Variants in NBPF14 observed in about 807,000 individuals in gnomAD.
NBPF14 encodes the protein NBPF member 14.
In NBPF14, 104 loss-of-function variants were observed where a neutral mutation model predicts 91.2. That is an observed-to-expected ratio of 1.14 (90% CI 0.97 to 1.34). NBPF14 has a LOEUF of 1.34. NBPF14 is among the 40% of genes most tolerant of loss of function. The pLI is 0.00. For missense variants in NBPF14, 908 were observed against 783.0 expected (o/e 1.16, Z -1.91); for synonymous variants, 294 against 303.8 (o/e 0.97, Z 0.34).
chr1:148,577,614 G>T (rs2149538618), intron 14 of NBPF14, among the ~76,000 whole-genome samples: 1 of 149,514 alleles, frequency 6.7e-6, no homozygotes, highest in East Asian at 2.0e-4. Flanking sequence ...CAATTGGTCA[G>T]GTGACACACT....
chr1:148,532,333 C>CGACTCCT, exon 71 of NBPF14: 1 of 155,926 alleles, frequency 6.4e-6, no homozygotes, highest in Middle Eastern at 3.4e-3. Flanking sequence ...CTCCTGCCAG[C>CGACTCCT]GACTCCTGAC....
chr1:148,577,833 T>A (rs1349583661), intron 14 of NBPF14, 150 bp downstream of exon 14: 6 of 585,896 alleles, frequency 1.0e-5, no homozygotes, highest in African/African-American at 4.2e-5. Context: ...AAACATTTAC[T>A]CTAATGAGAA....
rs1210425929 is a variant in NBPF14 at position 148,566,267 on chromosome 1, G to C, written c.3591C>G (p.Asp1197Glu). 92 of 653,840 alleles carry C rather than the reference G, an allele frequency of 1.4e-4. 9 individuals are homozygous for C. The Admixed American group carries it at 2.0e-3, about 14-fold the overall frequency. 40.5% of individuals were successfully genotyped at this position (653,840 alleles called of 1,614,324 possible). Residue 1197 changes from aspartate to glutamate, a missense_variant, in exon 29 of 71, where the codon GAC becomes GAG. By Grantham distance (45) the Asp-to-Glu change is conservative. Around this residue, in one of 13 missense-constraint regions of NBPF14, gnomAD observed 447 missense variants for 189.1 expected, o/e 2.36. Coordinates refer to ENST00000619423, the Ensembl canonical transcript of NBPF14. The stretch of plus-strand genomic sequence containing the variant: ...GAGTTGAATAACATCTATCCAGTGA[G>C]TCCTGCAAGACTTCAGGCTCTACTA...
chr1:148,585,008 T>A, intron 10 of NBPF14, 133 bp downstream of exon 10: 2 of 843,018 alleles, frequency 2.4e-6, no homozygotes, highest in East Asian at 4.8e-5. Flanking sequence ...GTGTCTAAGC[T>A]GGATTATATT....
At chr1:148,566,454 C>A (rs1229035552) in intron 28 of NBPF14, 139 bp from the exon 29 acceptor site, 3 of 595,478 alleles carry the variant, frequency 5.0e-6, no homozygotes, top group East Asian at 3.0e-5. Flanking sequence ...CAAATTGTTG[C>A]CTTCATGTTG....
chr1:148,561,802 AAC>A (rs1370506557), intron 34 of NBPF14, among the ~76,000 whole-genome samples: 19 of 95,606 alleles, frequency 2.0e-4, no homozygotes, highest in African/African-American at 3.0e-4. Context: ...CACACACACA[AAC>A]ACACACACAC....
chr1:148,595,214 G>T (rs1663115627), intron 2 of NBPF14, among the ~76,000 whole-genome samples: 1 of 147,652 alleles, frequency 6.8e-6, no homozygotes, highest in Admixed American at 6.7e-5. Context: ...GATGTTATTT[G>T]TCTGCAGGAT....
chr1:148,577,712 G>A (rs1382616799), intron 14 of NBPF14, among the ~76,000 whole-genome samples: 1 of 144,412 alleles, frequency 6.9e-6, no homozygotes, highest in African/African-American at 2.7e-5. Context: ...CAATAATTTT[G>A]CATAAAATGT....
intron 68 of NBPF14, among the ~76,000 whole-genome samples, chr1:148,535,111 T>A (rs1654845253): frequency 6.9e-6 from 1 of 145,068 alleles, no homozygotes; most frequent in South Asian, 2.2e-4. Flanking sequence ...GACACACTGA[T>A]GAAGGGGTCA....
intron 40 of NBPF14, 106 bp downstream of exon 40, chr1:148,557,385 C>T (rs1296983350): frequency 2.0e-6 from 1 of 504,428 alleles, no homozygotes; most frequent in Non-Finnish European, 3.3e-6. Context: ...ATAATTCAGG[C>T]TTGGTTGAAA....
At chr1:148,588,581 C>T (rs1366281582) in intron 7 of NBPF14, among the ~76,000 whole-genome samples, 2 of 152,080 alleles carry the variant, frequency 1.3e-5, no homozygotes, top group African/African-American at 4.8e-5. Flanking sequence ...TCATCATCTG[C>T]CCGCCTCAGC....
At chr1:148,595,637 C>G in exon 2 of NBPF14, 2 of 1,454,848 alleles carry the variant, frequency 1.4e-6, no homozygotes, top group Middle Eastern at 2.4e-4. Flanking sequence ...TCTCTGCCAG[C>G]TGGGGGCGCA....
At chr1:148,594,008 C>T (rs1220956396) in intron 2 of NBPF14, among the ~76,000 whole-genome samples, 3 of 148,982 alleles carry the variant, frequency 2.0e-5, no homozygotes, top group Non-Finnish European at 4.5e-5. Context: ...GGGCCACTTT[C>T]CCAAGCCTTG....
chr1:148,559,415 T>C (rs1298091141), intron 37 of NBPF14, among the ~76,000 whole-genome samples: 1 of 134,108 alleles, frequency 7.5e-6, no homozygotes, highest in Non-Finnish European at 1.5e-5. Context: ...CCCTGTCTCA[T>C]CAAATACTCA....
chr1:148,556,970 A>G, intron 40 of NBPF14, 108 bp from the exon 41 acceptor site: 1 of 112,378 alleles, frequency 8.9e-6, no homozygotes, highest in Non-Finnish European at 1.3e-5. Flanking sequence ...AACTAAAAGG[A>G]TAGATCCATT....
exon 71 of NBPF14, chr1:148,533,157 G>C (rs781906788): frequency 1.5e-5 from 11 of 732,664 alleles, no homozygotes; most frequent in Middle Eastern, 3.8e-4. Flanking sequence ...GAGTCAGGTA[G>C]TTCAAAGTAC....
chr1:148,560,160 A>G (rs1657515352), intron 36 of NBPF14, among the ~76,000 whole-genome samples, 195 bp from the exon 37 acceptor site: 1 of 151,320 alleles, frequency 6.6e-6, no homozygotes, highest in Non-Finnish European at 1.5e-5. Flanking sequence ...AAAGACAGAG[A>G]GAGAGAGACA....
At chr1:148,550,219 G>C in intron 49 of NBPF14, among the ~76,000 whole-genome samples, 153 bp downstream of exon 49, 1 of 89,976 alleles carries the variant, frequency 1.1e-5, no homozygotes, top group Non-Finnish European at 2.2e-5. Context: ...GGGCTTCCAA[G>C]TGGAACTAGA....
intron 36 of NBPF14, among the ~76,000 whole-genome samples, chr1:148,560,170 A>G (rs1657524284): frequency 6.6e-6 from 1 of 150,870 alleles, no homozygotes; most frequent in Non-Finnish European, 1.5e-5. Flanking sequence ...AGAGAGAGAC[A>G]GAGACAGAGA....
Sources: gnomAD v4.1 joint callset for allele counts (sites outside exome capture counted in the v4.1 genomes callset) on GRCh38, gnomAD v4.1.1 for gene constraint, gnomAD v4.1.1 regional missense constraint, MANE v1.5 for transcripts, NCBI Gene and HGNC (gene_info 2026-07-23, HGNC 2026-07-21) for gene names.